Variants in ARHGEF3 observed in about 807,000 individuals in gnomAD.
ARHGEF3 encodes 59.8 kDA protein.
Under a neutral mutation model 63.2 loss-of-function variants are expected in ARHGEF3, and 28 were observed. The observed-to-expected ratio is 0.44, with a 90% CI of 0.33 to 0.61. The LOEUF is 0.61. Ranked by LOEUF, ARHGEF3 falls within the 20% of genes least tolerant of loss-of-function variation. The pLI is 0.03. For missense variants in ARHGEF3, 533 were observed against 659.3 expected, an observed-to-expected ratio of 0.81 and a Z score of 2.10; for synonymous variants, 266 against 254.2, an observed-to-expected ratio of 1.05 and a Z score of -0.44.
At chr3:56,907,622 GC>G (rs1451147205) in intron 3 of ARHGEF3, among the ~76,000 whole-genome samples, 1 of 152,142 alleles carries the variant, frequency 6.6e-6, no homozygotes, top group East Asian at 1.9e-4. Flanking sequence ...CAACCTAGAT[GC>G]CCATCAACGG....
At chr3:57,038,528 A>C (rs899608148) in intron 1 of ARHGEF3, among the ~76,000 whole-genome samples, 3 of 152,012 alleles carry the variant, frequency 2.0e-5, no homozygotes, top group African/African-American at 7.2e-5. Context: ...CTACAGCCTC[A>C]AACTCCTGGG....
chr3:56,737,355 T>A lies in ARHGEF3; in HGVS notation c.871A>T (p.Ile291Leu). The A allele has an allele frequency of 6.2e-7, 1 of 1,608,812 alleles. No homozygotes were observed. Among genetic ancestry groups the A allele is most frequent in the Non-Finnish European group, 8.5e-7 (1 of 1,176,420 alleles). ...GCCACAATTCCCTGAATGATATTTATCTATGAAAACAAAGAGGAAAATTAA... is the reference window on the plus strand; with the variant it reads ...GCCACAATTCCCTGAATGATATTTAACTATGAAAACAAAGAGGAAAATTAA... ...NPDQQHLEEA[I>L]NIIQGIVAEI... is the part of the protein sequence containing the mutation. Residue 291 changes from isoleucine (I) to leucine (L), a missense_variant and splice_region_variant, in exon 8 of 10, where the codon ATA becomes TTA. Around this residue, in one of 4 missense-constraint regions of ARHGEF3, gnomAD observed 151 missense variants for 190.7 expected, o/e 0.79. Transcript: ENST00000296315.
intron 1 of ARHGEF3, among the ~76,000 whole-genome samples, chr3:56,798,536 CGTTT>C (rs2037480496): frequency 2.3e-5 from 1 of 43,964 alleles, no homozygotes; most frequent in African/African-American, 6.6e-5. Flanking sequence ...TTCTTTACTT[CGTTT>C]TTTTTTTTTT....
At chr3:57,020,259 A>T (rs919973586) in intron 2 of ARHGEF3, among the ~76,000 whole-genome samples, 1 of 152,182 alleles carries the variant, frequency 6.6e-6, no homozygotes, top group Non-Finnish European at 1.5e-5. Context: ...ACTGATTTGC[A>T]GGGTCCTGGG....
chr3:56,791,024 C>A (rs1430935402), intron 1 of ARHGEF3, among the ~76,000 whole-genome samples: 1 of 151,858 alleles, frequency 6.6e-6, no homozygotes, highest in Non-Finnish European at 1.5e-5. Flanking sequence ...GAAAGAGTGC[C>A]CTCAGGAAAT....
chr3:56,775,351 G>C, intron 1 of ARHGEF3: 1 of 1,114,532 alleles, frequency 9.0e-7, no homozygotes, highest in South Asian at 3.9e-5. Flanking sequence ...CTGTCTCCAA[G>C]CTTTCCAGCA....
intron 9 of ARHGEF3, 134 bp from the exon 10 acceptor site, chr3:56,729,756 C>A: frequency 1.4e-6 from 1 of 731,356 alleles, no homozygotes; most frequent in Non-Finnish European, 2.2e-6. Flanking sequence ...TCCCACTGAT[C>A]TGGGGCATGG....
rs542943368 is a variant in ARHGEF3 at position 56,755,684 on chromosome 3, C to T, written c.205-533G>A. 2.7e-4 allele frequency among the ~76,000 whole-genome samples: 41 copies of T among 152,202 alleles called. No individual in the cohort carries two copies. In the South Asian group the frequency reaches 6.2e-3, roughly 23 times the overall value. On this transcript the variant is annotated intron_variant, in intron 2 of 9. Coordinates refer to ENST00000296315, the MANE Select transcript of ARHGEF3 (RefSeq NM_019555.3). ...CTAGTTCAGGGATGGGCATGTGATT[C>T]CCTGAAATTTGTCACATGAGTTACG...
rs897271943 is a variant in ARHGEF3, at chr3:56,924,060, A to G, written c.129+34763T>C. On this transcript the variant is annotated intron_variant, in intron 3 of 12. Transcript: ENST00000338458. Reference sequence around the variant, plus strand: ...GTATAAGATAAACAATAAACTTTGCAACAAAATCATGGACAATAAGCCCCA... The same window carrying G: ...GTATAAGATAAACAATAAACTTTGCGACAAAATCATGGACAATAAGCCCCA... Among the ~76,000 whole-genome samples, 18 of 152,184 alleles carry G rather than the reference A, an allele frequency of 1.2e-4. 1 individual carries two copies. The highest frequency in any genetic ancestry group is 1.0e-3 in the Admixed American group (16 of 15,288).
chr3:56,975,823 T>TAA, intron 2 of ARHGEF3: 4 of 405,528 alleles, frequency 9.9e-6, no homozygotes, highest in South Asian at 1.8e-5. Flanking sequence ...TAACAGGACT[T>TAA]AAAAAAAAAT....
chr3:56,803,034 C>A (rs1020875878), upstream of ARHGEF3, among the ~76,000 whole-genome samples: 2 of 151,978 alleles, frequency 1.3e-5, no homozygotes, highest in East Asian at 1.9e-4. Flanking sequence ...AAAAAAAATA[C>A]AAGTTTACCA....
At position 56,753,441 on chromosome 3, in the gene ARHGEF3, T is replaced by C. The variant is rs377708218; in HGVS notation, c.438+63A>G. 1.3e-4 allele frequency: 183 copies of C among 1,421,658 alleles called. No homozygotes were observed. The African/African-American group carries it at 2.4e-3, about 18-fold the overall frequency. 88.1% of individuals were successfully genotyped at this position (1,421,658 alleles called of 1,614,324 possible). Reference sequence around the variant, plus strand: ...GTTCTCACGAAGCACCACTTTAGGGTTGTGAAATTACTCAAGAAAAAAAAT... The same window carrying C: ...GTTCTCACGAAGCACCACTTTAGGGCTGTGAAATTACTCAAGAAAAAAAAT... On this transcript the variant is annotated intron_variant, in intron 4 of 9. Coordinates refer to ENST00000296315, the MANE Select transcript of ARHGEF3 (RefSeq NM_019555.3).
At chr3:56,896,970 G>T (rs1445440841) in intron 3 of ARHGEF3, among the ~76,000 whole-genome samples, 2 of 152,182 alleles carry the variant, frequency 1.3e-5, no homozygotes, top group Non-Finnish European at 2.9e-5. Flanking sequence ...TAAGTAACCA[G>T]CAAATTGAAA....
chr3:56,808,123 C>CAA (rs201541052), intron 4 of ARHGEF3, among the ~76,000 whole-genome samples: 12 of 114,792 alleles, frequency 1.0e-4, no homozygotes, highest in South Asian at 2.9e-4. Flanking sequence ...GACTCTGTCT[C>CAA]AAAAAAAAAA....
At chr3:56,886,002 G>T (rs987680468) in intron 3 of ARHGEF3, among the ~76,000 whole-genome samples, 3 of 152,064 alleles carry the variant, frequency 2.0e-5, no homozygotes, top group Non-Finnish European at 4.4e-5. Flanking sequence ...CCCATTCTGG[G>T]TCCTTGGATA....
chr3:56,847,726 C>T (rs1045843415), intron 4 of ARHGEF3, among the ~76,000 whole-genome samples: 3 of 152,128 alleles, frequency 2.0e-5, no homozygotes, highest in Admixed American at 6.5e-5. Flanking sequence ...CACAGGCATC[C>T]ACCACCATGC....
intron 4 of ARHGEF3, among the ~76,000 whole-genome samples, chr3:56,848,738 C>T (rs148860737): frequency 1.3e-5 from 2 of 151,494 alleles, no homozygotes; most frequent in Admixed American, 6.6e-5. Context: ...GTGATCTCGG[C>T]TCACTGCAGC....
At chr3:56,929,444 C>T (rs1025353592) in intron 3 of ARHGEF3, among the ~76,000 whole-genome samples, 1 of 152,156 alleles carries the variant, frequency 6.6e-6, no homozygotes. Flanking sequence ...CCCTAAAAAT[C>T]GGAATGTTTC....
intron 3 of ARHGEF3, among the ~76,000 whole-genome samples, chr3:56,948,948 T>C (rs886088142): frequency 4.6e-5 from 7 of 152,192 alleles, no homozygotes; most frequent in African/African-American, 1.4e-4. Flanking sequence ...GTGGGCTTCA[T>C]CCCTGGGATG....
Sources: gnomAD v4.1 joint callset for allele counts (sites outside exome capture counted in the v4.1 genomes callset) on GRCh38, gnomAD v4.1.1 for gene constraint, gnomAD v4.1.1 regional missense constraint, MANE v1.5 for transcripts, NCBI Gene and HGNC (gene_info 2026-07-23, HGNC 2026-07-21) for gene names.